TMPO: variants seen among roughly 807,000 people sequenced by gnomAD.
TMPO encodes LEM domain containing 4.
A neutral mutation model predicts 45.4 loss-of-function variants in TMPO; 22 were observed. The observed-to-expected ratio is 0.48, with a 90% CI of 0.35 to 0.69. The LOEUF (loss-of-function observed/expected upper bound fraction) is 0.69. TMPO is among the 30% of genes least tolerant of loss of function. TMPO has a pLI of 0.01. For synonymous variants in TMPO, 241 were observed against 204.1 expected (o/e 1.18, Z -1.54); for missense variants, 512 against 548.8 (o/e 0.93, Z 0.67).
intron 2 of TMPO, among the ~76,000 whole-genome samples, chr12:98,529,856 G>A (rs1877061008): frequency 6.6e-6 from 1 of 152,142 alleles, no homozygotes; most frequent in South Asian, 2.1e-4. Flanking sequence ...ACTGCATCTG[G>A]TCTTGATCTT....
Position 98,530,842 on chromosome 12 carries a change from A to G in TMPO, c.407-838A>G, listed in dbSNP as rs186295310. 3.5e-3 allele frequency among the ~76,000 whole-genome samples: 539 copies of G among 152,346 alleles called. 1 individual carries two copies. The highest frequency in any genetic ancestry group is 5.7e-3 in the Non-Finnish European group (385 of 68,032). On this transcript the variant is annotated intron_variant, in intron 2 of 8. Transcript: ENST00000556029. Reference sequence around the variant, plus strand: ...TAGTAGTAGAGAAAATAAATGCAAGACTTCAGTCAAAAATAGTCATACATG... The same window carrying G: ...TAGTAGTAGAGAAAATAAATGCAAGGCTTCAGTCAAAAATAGTCATACATG...
Position 98,527,857 on chromosome 12 carries a change from T to G in TMPO, c.280-29T>G, listed in dbSNP as rs767467021. ...TAGTAAGTGAACACTTTAATTCATA[T>G]GGAAATGATTACTGGACTTTGTTTA... On this transcript the variant is annotated intron_variant, in intron 1 of 8. Transcript: ENST00000556029. 4.3e-6 allele frequency: 7 copies of G among 1,612,408 alleles called. No individual in the cohort carries two copies. The East Asian group carries it at 1.6e-4, about 36-fold the overall frequency.
At chr12:98,530,336 CAAA>C (rs760001497) in intron 2 of TMPO, among the ~76,000 whole-genome samples, 2 of 121,570 alleles carry the variant, frequency 1.6e-5, no homozygotes, top group African/African-American at 6.2e-5. Context: ...GACCTTGTCT[CAAA>C]AAAAAAAAAA....
intron 6 of TMPO, 137 bp from the exon 7 acceptor site, chr12:98,544,814 G>C: frequency 1.3e-6 from 1 of 754,658 alleles, no homozygotes; most frequent in Non-Finnish European, 2.3e-6. Flanking sequence ...ACTAAGTTGT[G>C]TTTGTAGGCT....
Position 98,533,407 on chromosome 12 carries a change from C to T in TMPO, c.565+1569C>T, listed in dbSNP as rs753433216. On this transcript the variant is annotated intron_variant, in intron 3 of 8. Transcript: ENST00000556029. ...GGCAATCAGAGATTATGTCAATTCT[C>T]TGTTGGTCCAGGGTGGGGTAGGTAG... The T allele has an allele frequency of 2.0e-5, 32 of 1,614,066 alleles. No homozygotes were observed. The South Asian group carries it at 3.4e-4, about 17-fold the overall frequency.
chr12:98,522,329 C>T (rs1156701478), intron 1 of TMPO, among the ~76,000 whole-genome samples: 1 of 152,014 alleles, frequency 6.6e-6, no homozygotes, highest in Non-Finnish European at 1.5e-5. Context: ...TATGAATTCT[C>T]AATAGGAAAT....
At chr12:98,534,355 C>CA in intron 3 of TMPO, 1 of 1,610,200 alleles carries the variant, frequency 6.2e-7, no homozygotes, top group Non-Finnish European at 8.5e-7. Context: ...AAATTAAGGA[C>CA]AAAAAGACAT....
At position 98,515,667 on chromosome 12, in the gene TMPO, C is replaced by G. The variant is rs1436109381; in HGVS notation, c.-201C>G. 2 of 1,131,828 alleles carry G rather than the reference C, an allele frequency of 1.8e-6. No individual in the cohort carries two copies. The highest frequency in any genetic ancestry group is 5.2e-5 in the East Asian group (2 of 38,682). The allele number at this position is 1,131,828 out of a possible 1,614,324, so 70.1% of individuals were successfully genotyped here. On this transcript the variant is annotated 5_prime_UTR_variant, in exon 1 of 9. Transcript: ENST00000556029. ...GCTTCCAGCTTGGCCGCAGTTGGTT[C>G]GTAGTTCGGCTCTGGGGTCTTTTGT...
At chr12:98,544,926 GTC>G in intron 6 of TMPO, 23 bp from the exon 7 acceptor site, 1 of 1,478,386 alleles carries the variant, frequency 6.8e-7, no homozygotes, top group South Asian at 1.1e-5. Context: ...ATAATTCTGA[GTC>G]TGAATAATTT....
chr12:98,545,017 G>A lies in TMPO; in HGVS notation c.946G>A (p.Asp316Asn), dbSNP rs1280561465. Residue 316 changes from aspartate to asparagine, a missense_variant, in exon 7 of 9, where the codon GAC becomes AAC. Physicochemically the swap from Asp to Asn is conservative, Grantham distance 23. Coordinates refer to ENST00000556029, the MANE Select transcript of TMPO (RefSeq NM_001032283.3). ...TATTCTGCCAATCACTGAATTCTCA[G>A]ACATACCCAGAAGAGCACCAAAGAA... ...SPILPITEFS[D>N]IPRRAPKKPL... 5 of 1,613,402 alleles carry A rather than the reference G, an allele frequency of 3.1e-6. No individual in the cohort carries two copies. In the African/African-American group the frequency reaches 5.3e-5, roughly 17 times the overall value.
chr12:98,526,630 A>G (rs761553715), intron 1 of TMPO, among the ~76,000 whole-genome samples: 2 of 152,166 alleles, frequency 1.3e-5, no homozygotes, highest in Non-Finnish European at 2.9e-5. Context: ...AACTGTATTC[A>G]TTTGGCCTTC....
At position 98,534,018 on chromosome 12, in the gene TMPO, C is replaced by T. The variant is rs748689543; in HGVS notation, c.565+2180C>T. 1 of 1,607,854 alleles carries T rather than the reference C, an allele frequency of 6.2e-7. No homozygotes were observed. The highest frequency in any genetic ancestry group is 8.5e-7 in the Non-Finnish European group (1 of 1,175,304). ...CATTGCAGATTGCAACTCACACTGC[C>T]TTTGTAGCTAAGGCTATGCAGGCAG... On this transcript the variant is annotated intron_variant, in intron 3 of 8. Transcript: ENST00000556029.
chr12:98,532,370 T>A (rs1877253636), intron 3 of TMPO: 1 of 170,766 alleles, frequency 5.9e-6, no homozygotes, highest in African/African-American at 2.4e-5. Context: ...TCATAATTAA[T>A]ACATAGTGGT....
At chr12:98,540,702 A>T (rs375321086) in intron 4 of TMPO, among the ~76,000 whole-genome samples, 3 of 152,302 alleles carry the variant, frequency 2.0e-5, no homozygotes, top group South Asian at 4.1e-4. Flanking sequence ...ATTTTAATTT[A>T]AATTAAATTT....
intron 4 of TMPO, 101 bp downstream of exon 4, chr12:98,537,673 C>T (rs1172361266): frequency 1.3e-5 from 12 of 899,152 alleles, no homozygotes; most frequent in East Asian, 1.0e-4. Flanking sequence ...GATTCCAGCA[C>T]GCTCAATAAA....
At position 98,549,173 on chromosome 12, in the gene TMPO, G is replaced by A. The variant is rs931128944; in HGVS notation, c.*1315G>A. 3.3e-5 allele frequency: 5 copies of A among 152,140 alleles called. No individual in the cohort carries two copies. The highest frequency in any genetic ancestry group is 7.3e-5 in the Non-Finnish European group (5 of 68,028). 9.4% of individuals were successfully genotyped at this position (152,140 alleles called of 1,614,324 possible). A position where few individuals can be genotyped will look rare whatever the true frequency, so the allele number is the denominator to read the frequency against. ...TTGCTTTTATATTACATCATAAGCA[G>A]TAGTTAATAAAGTTGTATACTCTTA... On this transcript the variant is annotated 3_prime_UTR_variant, in exon 9 of 9. Coordinates refer to ENST00000556029, the MANE Select transcript of TMPO (RefSeq NM_001032283.3).
In TMPO at chr12:98,533,247, C is replaced by T. The variant is rs371441559; in HGVS notation, c.565+1409C>T. 68 of 1,613,672 alleles carry T rather than the reference C, an allele frequency of 4.2e-5. No homozygotes were observed. Among genetic ancestry groups the T allele is most frequent in the Non-Finnish European group, 5.1e-5 (60 of 1,180,042 alleles). On this transcript the variant is annotated intron_variant, in intron 3 of 8. Coordinates refer to ENST00000556029, the MANE Select transcript of TMPO (RefSeq NM_001032283.3). Reference sequence around the variant, plus strand: ...ATAAAGACATAGTAGAAAATATTTGCGGTAGAGAGAAAAGTGGAATTCAAC... The same window carrying T: ...ATAAAGACATAGTAGAAAATATTTGTGGTAGAGAGAAAAGTGGAATTCAAC...
At chr12:98,537,286 G>A (rs982917366) in intron 3 of TMPO, among the ~76,000 whole-genome samples, 189 bp from the exon 4 acceptor site, 1 of 152,122 alleles carries the variant, frequency 6.6e-6, no homozygotes, top group African/African-American at 2.4e-5. Context: ...AAGCAAAAAT[G>A]GGATAAATAA....
chr12:98,544,838 C>A, intron 6 of TMPO, 113 bp from the exon 7 acceptor site: 1 of 914,206 alleles, frequency 1.1e-6, no homozygotes, highest in Non-Finnish European at 1.8e-6. Context: ...TTGCTTAAAT[C>A]TTTACTAAGG....
Sources: gnomAD v4.1 joint callset for allele counts (sites outside exome capture counted in the v4.1 genomes callset) on GRCh38, gnomAD v4.1.1 for gene constraint, MANE v1.5 for transcripts, NCBI Gene and HGNC (gene_info 2026-07-23, HGNC 2026-07-21) for gene names.